The following NUBPL variants were observed in gnomAD, a reference collection of about 807,000 sequenced individuals.
NUBPL encodes iron-sulfur cluster transfer protein NUBPL.
Under a neutral mutation model 45.7 loss-of-function variants are expected in NUBPL, and 31 were observed. The ratio of observed to expected loss-of-function variants is 0.68; its 90% CI spans 0.51 to 0.92. NUBPL has a LOEUF of 0.92. Among genes scored for constraint, NUBPL ranks in the 40% least tolerant of loss-of-function variants. The pLI is 0.00. For missense variants in NUBPL, 401 were observed against 398.7 expected (o/e 1.01, Z -0.05); for synonymous variants, 144 against 140.9 (o/e 1.02, Z -0.15).
At chr14:31,564,422 G>A (rs558707993) in intron 2 of NUBPL, among the ~76,000 whole-genome samples, 1 of 151,802 alleles carries the variant, frequency 6.6e-6, no homozygotes, top group South Asian at 2.1e-4. Context: ...GGATGCGGTG[G>A]CTCATGCCTG....
At chr14:31,807,506 T>C (rs1379252096) in intron 7 of NUBPL, among the ~76,000 whole-genome samples, 1 of 152,230 alleles carries the variant, frequency 6.6e-6, no homozygotes, top group African/African-American at 2.4e-5. Flanking sequence ...ACGTTCTTTG[T>C]AGATTCTGGA....
chr14:31,790,019 A>G (rs1483187162), intron 7 of NUBPL, among the ~76,000 whole-genome samples: 1 of 151,910 alleles, frequency 6.6e-6, no homozygotes, highest in African/African-American at 2.4e-5. Context: ...TGCTTCTGAT[A>G]CCTTGGAATG....
At chr14:31,631,494 C>T (rs148942244) in intron 4 of NUBPL, among the ~76,000 whole-genome samples, 21 of 151,436 alleles carry the variant, frequency 1.4e-4, no homozygotes, top group Non-Finnish European at 2.9e-4. Context: ...CCCCACCCCA[C>T]CCCCCACACA....
chr14:31,623,351 A>C (rs569335431), intron 4 of NUBPL, among the ~76,000 whole-genome samples: 104 of 152,318 alleles, frequency 6.8e-4, no homozygotes, highest in African/African-American at 2.4e-3. Context: ...CTTCTGAGTT[A>C]ATGCTGGAAT....
chr14:31,722,057 C>T (rs1221479725), intron 6 of NUBPL, among the ~76,000 whole-genome samples: 3 of 152,054 alleles, frequency 2.0e-5, no homozygotes, highest in Admixed American at 2.0e-4. Flanking sequence ...AGTGCAGTGG[C>T]ACAGTCTTGG....
chr14:31,682,326 A>G (rs1459572351), intron 6 of NUBPL, among the ~76,000 whole-genome samples: 1 of 152,168 alleles, frequency 6.6e-6, no homozygotes, highest in Admixed American at 6.6e-5. Context: ...ATCTGATACT[A>G]ATATAGCCAC....
chr14:31,638,388 C>A (rs1240642755), intron 4 of NUBPL, among the ~76,000 whole-genome samples: 2 of 151,390 alleles, frequency 1.3e-5, no homozygotes, highest in Non-Finnish European at 1.5e-5. Flanking sequence ...GTTGAAAATT[C>A]TTTTCTTTAA....
rs1361496397 is a variant in NUBPL, at chr14:31,728,085, A to G, written c.513+54511A>G. 2.6e-5 allele frequency among the ~76,000 whole-genome samples: 4 copies of G among 152,146 alleles called. No individual in the cohort carries two copies. The East Asian group carries it at 7.7e-4, about 29-fold the overall frequency. ...TGCTTTGGCATAAAACCTGTATAGA[A>G]GCTGTCAACTGAAATCTAAATTTTG... On this transcript the variant is annotated intron_variant, in intron 6 of 10. Coordinates refer to ENST00000281081, the MANE Select transcript of NUBPL (RefSeq NM_025152.3).
chr14:31,785,929 TG>T (rs1295363186), intron 6 of NUBPL, among the ~76,000 whole-genome samples: 1 of 151,968 alleles, frequency 6.6e-6, no homozygotes, highest in Non-Finnish European at 1.5e-5. Context: ...GAGACCAAAG[TG>T]GGAGGATCAC....
chr14:31,621,423 G>T (rs1181374876), intron 4 of NUBPL, among the ~76,000 whole-genome samples: 1 of 152,188 alleles, frequency 6.6e-6, no homozygotes, highest in Non-Finnish European at 1.5e-5. Flanking sequence ...ATACATAGGT[G>T]CCAGAGGGAG....
At chr14:31,724,681 C>T (rs931192393) in intron 6 of NUBPL, among the ~76,000 whole-genome samples, 1 of 152,130 alleles carries the variant, frequency 6.6e-6, no homozygotes, top group Non-Finnish European at 1.5e-5. Flanking sequence ...TTATTGAACA[C>T]CTATAATGTG....
At chr14:31,762,658 G>A (rs570315331) in intron 6 of NUBPL, among the ~76,000 whole-genome samples, 2 of 152,272 alleles carry the variant, frequency 1.3e-5, no homozygotes, top group East Asian at 1.9e-4. Context: ...TAATTGTTTG[G>A]CAATTTAAAT....
In NUBPL at chr14:31,666,514, C is replaced by T. The variant is rs556782493; in HGVS notation, c.383-6841C>T. Among the ~76,000 whole-genome samples the T allele has an allele frequency of 2.1e-3, 316 of 152,012 alleles. 1 individual carries two copies. The highest frequency in any genetic ancestry group is 7.0e-3 in the African/African-American group (289 of 41,484). On this transcript the variant is annotated intron_variant, in intron 4 of 10. Transcript: ENST00000281081. ...TCATGACCTTGTGATCTGCTCGCCT[C>T]GGCCTCCCAAAGTGCTGGGATTACA...
intron 4 of NUBPL, among the ~76,000 whole-genome samples, chr14:31,613,262 C>G (rs1363506344): frequency 6.6e-6 from 1 of 151,918 alleles, no homozygotes; most frequent in African/African-American, 2.4e-5. Context: ...AACTCATGGA[C>G]AGAGAGAGTA....
At chr14:31,593,078 T>C (rs2034185062) in intron 3 of NUBPL, among the ~76,000 whole-genome samples, 2 of 152,248 alleles carry the variant, frequency 1.3e-5, no homozygotes, top group East Asian at 3.9e-4. Flanking sequence ...CAATAAAAAG[T>C]AATACAAATA....
At chr14:31,778,569 A>T (rs2039136807) in intron 6 of NUBPL, among the ~76,000 whole-genome samples, 1 of 152,226 alleles carries the variant, frequency 6.6e-6, no homozygotes, top group Non-Finnish European at 1.5e-5. Flanking sequence ...CTGTAAAATG[A>T]GTTCCTTAGT....
chr14:31,565,923 T>C (rs923435157), intron 3 of NUBPL, among the ~76,000 whole-genome samples: 12 of 152,150 alleles, frequency 7.9e-5, no homozygotes, highest in African/African-American at 2.9e-4. Context: ...AGTCTCATTA[T>C]TGTTGGATGT....
At chr14:31,632,407 T>C (rs2035369841) in intron 4 of NUBPL, among the ~76,000 whole-genome samples, 1 of 152,170 alleles carries the variant, frequency 6.6e-6, no homozygotes, top group South Asian at 2.1e-4. Context: ...CTCTCCTCCT[T>C]CTTTCTGATC....
chr14:31,708,887 G>T (rs961516923), intron 6 of NUBPL, among the ~76,000 whole-genome samples: 1 of 152,152 alleles, frequency 6.6e-6, no homozygotes, highest in Non-Finnish European at 1.5e-5. Context: ...TGGACGAGGG[G>T]GCGGCTTGTT....
Sources: allele counts gnomAD v4.1 joint callset (sites outside exome capture counted in the v4.1 genomes callset), GRCh38; gene constraint gnomAD v4.1.1; transcripts MANE v1.5; gene names NCBI Gene and HGNC (gene_info 2026-07-23, HGNC 2026-07-21).